The following LHX6 variants were observed in gnomAD, a reference collection of about 807,000 sequenced individuals.
LHX6 encodes LIM homeobox 6.
LHX6 carries 15 observed loss-of-function variants against 47.1 expected under a neutral mutation model. The observed-to-expected ratio is 0.32, with a 90% CI of 0.21 to 0.49. The LOEUF (loss-of-function observed/expected upper bound fraction) is 0.49. Among genes scored for constraint, LHX6 ranks in the 20% least tolerant of loss-of-function variants. LHX6 has a pLI of 0.99. For missense variants in LHX6, 404 were observed against 539.6 expected, an observed-to-expected ratio of 0.75 and a Z score of 2.49; for synonymous variants, 242 against 233.5, an observed-to-expected ratio of 1.04 and a Z score of -0.33.
chr9:122,208,212 G>A (rs1830258689), intron 9 of LHX6, among the ~76,000 whole-genome samples: 1 of 152,152 alleles, frequency 6.6e-6, no homozygotes, highest in African/African-American at 2.4e-5. Flanking sequence ...TGCCAACAAT[G>A]CTGAATGGCT....
rs1283089033 is a variant in LHX6, at chr9:122,203,062, G to A, written c.*1698C>T. 6.6e-6 allele frequency: 1 copy of A among 152,650 alleles called. No individual in the cohort carries two copies. Among genetic ancestry groups the A allele is most frequent in the African/African-American group, 2.4e-5 (1 of 41,454 alleles). 9.5% of individuals were successfully genotyped at this position (152,650 alleles called of 1,614,324 possible). A position where few individuals can be genotyped will look rare whatever the true frequency, so the allele number is the denominator to read the frequency against. On this transcript the variant is annotated 3_prime_UTR_variant, in exon 10 of 10. Coordinates refer to ENST00000394319, the MANE Select transcript of LHX6 (RefSeq NM_014368.5). The stretch of plus-strand genomic sequence containing the variant: ...GGCTGGGCACAAGTTACCACTGACT[G>A]AGTGCTGAGCTGAGCTGTACTCACC...
At chr9:122,221,772 G>A in intron 4 of LHX6, 1 of 975,512 alleles carries the variant, frequency 1.0e-6, no homozygotes, top group East Asian at 1.1e-4. Flanking sequence ...AACCAAACTG[G>A]GCAGGGACTC....
At chr9:122,221,361 G>A (rs1450605978) in intron 4 of LHX6, 2 of 985,506 alleles carry the variant, frequency 2.0e-6, no homozygotes, top group Non-Finnish European at 1.2e-6. Context: ...CCGCTGGGCC[G>A]CTCTCTGCCG....
chr9:122,211,865 T>A (rs1383467766), intron 8 of LHX6, among the ~76,000 whole-genome samples: 1 of 152,236 alleles, frequency 6.6e-6, no homozygotes, highest in Non-Finnish European at 1.5e-5. Flanking sequence ...AGACCCCTGG[T>A]ACTTATAGCG....
intron 4 of LHX6, chr9:122,221,322 C>G (rs1210969570): frequency 2.7e-5 from 27 of 985,514 alleles, no homozygotes; most frequent in Non-Finnish European, 3.1e-5. Context: ...TCTCGGCTCC[C>G]CCAACATCTG....
intron 5 of LHX6, among the ~76,000 whole-genome samples, chr9:122,215,975 G>A (rs531203039): frequency 6.6e-6 from 1 of 152,298 alleles, no homozygotes; most frequent in South Asian, 2.1e-4. Flanking sequence ...CTAAAACAGA[G>A]GCAGCTACAT....
At chr9:122,228,340 G>A in intron 1 of LHX6, 1 of 1,533,256 alleles carries the variant, frequency 6.5e-7, no homozygotes, top group East Asian at 2.5e-5. Flanking sequence ...CGCTGCGCCG[G>A]CACAACCCCC....
chr9:122,218,694 G>A (rs1262043860), intron 4 of LHX6, among the ~76,000 whole-genome samples: 2 of 151,976 alleles, frequency 1.3e-5, no homozygotes, highest in African/African-American at 4.8e-5. Flanking sequence ...AAAACCCTTG[G>A]GGTTTGCAAA....
rs1359273430 is a variant in LHX6, at chr9:122,227,761, A to AG, written c.85-282dup. The AG allele has an allele frequency of 1.4e-5, 7 of 489,370 alleles. No homozygotes were observed. In the Admixed American group the frequency reaches 2.5e-4, roughly 17 times the overall value. 30.3% of individuals were successfully genotyped at this position (489,370 alleles called of 1,614,324 possible). A position where few individuals can be genotyped will look rare whatever the true frequency, so the allele number is the denominator to read the frequency against. On this transcript the variant is annotated intron_variant, in intron 1 of 9. Coordinates refer to ENST00000394319, the MANE Select transcript of LHX6 (RefSeq NM_014368.5). The stretch of plus-strand genomic sequence containing the variant: ...AGTTCCCTTGCAATCCAAGCCTCTG[A>AG]GGGGGGAAGAAAAACACGCGCACAC...
Position 122,228,664 on chromosome 9 carries a change from G to A in LHX6, c.77C>T (p.Thr26Ile). The A allele has an allele frequency of 7.7e-7, 1 of 1,293,392 alleles. No homozygotes were observed. Among genetic ancestry groups the A allele is most frequent in the Non-Finnish European group, 9.8e-7 (1 of 1,022,164 alleles). The allele number at this position is 1,293,392 out of a possible 1,614,324, so 80.1% of individuals were successfully genotyped here. A position where few individuals can be genotyped will look rare whatever the true frequency, so the allele number is the denominator to read the frequency against. Residue 26 changes from threonine (T) to isoleucine (I), a missense_variant, in exon 1 of 10, where the codon ACC becomes ATC. Transcript: ENST00000394319. ...AGTCGTTCGCCGGCTCACCTGGTCG[G>A]TGGCGGGGCCGCCCTCGGCCGGCAG... ...CRLPAEGGPA[T>I]DQVMAQPGSG...
chr9:122,215,407 A>G (rs1231301773), intron 5 of LHX6, among the ~76,000 whole-genome samples: 1 of 152,210 alleles, frequency 6.6e-6, no homozygotes, highest in South Asian at 2.1e-4. Context: ...TAAAAAGTGA[A>G]ACAGTAGCCA....
At chr9:122,218,292 C>T (rs1448542970) in intron 4 of LHX6, among the ~76,000 whole-genome samples, 1 of 152,116 alleles carries the variant, frequency 6.6e-6, no homozygotes, top group Non-Finnish European at 1.5e-5. Flanking sequence ...CTGTCCCAAC[C>T]CTAGCAGCCT....
At chr9:122,221,726 A>C (rs780873419) in intron 4 of LHX6, 253 of 985,538 alleles carry the variant, frequency 2.6e-4, no homozygotes, top group Non-Finnish European at 2.8e-4. Flanking sequence ...AAGATCACCC[A>C]GGGAGCCACA....
At chr9:122,212,391 A>T (rs1220433286) in intron 8 of LHX6, among the ~76,000 whole-genome samples, 1 of 152,194 alleles carries the variant, frequency 6.6e-6, no homozygotes, top group Admixed American at 6.5e-5. Flanking sequence ...TGATGTTTAG[A>T]GACACAGTCA....
At chr9:122,221,169 CTA>C in intron 4 of LHX6, 1 of 985,446 alleles carries the variant, frequency 1.0e-6, no homozygotes, top group African/African-American at 1.7e-5. Flanking sequence ...GGGGCCCTAC[CTA>C]TTCTCTCTGC....
At chr9:122,215,167 A>G (rs765373825) in intron 5 of LHX6, among the ~76,000 whole-genome samples, 18 of 152,188 alleles carry the variant, frequency 1.2e-4, no homozygotes, top group Admixed American at 4.6e-4. Context: ...TAATTCCAGC[A>G]CTCAGAAATA....
At position 122,213,488 on chromosome 9, in the gene LHX6, T is replaced by G; in HGVS notation, c.1054+118A>C. ...TCCAAATGACTTCGGGTCCCGCTTC[T>G]TCACCCACGAGGCTCCCCAAGGCCC... On this transcript the variant is annotated intron_variant, in intron 8 of 9. Coordinates refer to ENST00000394319, the MANE Select transcript of LHX6 (RefSeq NM_014368.5). The surrounding 1 kb of genome is among the most constrained non-coding windows in gnomAD (Gnocchi z 5.5). The G allele has an allele frequency of 2.2e-5, 20 of 919,000 alleles. No individual in the cohort carries two copies. Among genetic ancestry groups the G allele is most frequent in the Non-Finnish European group, 3.2e-5 (20 of 631,046 alleles). 56.9% of individuals were successfully genotyped at this position (919,000 alleles called of 1,614,324 possible). A position where few individuals can be genotyped will look rare whatever the true frequency, so the allele number is the denominator to read the frequency against.
rs1460819372 is a variant in LHX6, at chr9:122,213,866, C to T, written c.880-86G>A. On this transcript the variant is annotated intron_variant, in intron 7 of 9. Coordinates refer to ENST00000394319, the MANE Select transcript of LHX6 (RefSeq NM_014368.5). The surrounding 1 kb of genome is among the most constrained non-coding windows in gnomAD (Gnocchi z 5.5). The stretch of plus-strand genomic sequence containing the variant: ...GACCCCAGGCGGGACTGCCTCGTCG[C>T]CTCCTGGAGAAGGATGGCCACGTGC... 1.3e-6 allele frequency: 2 copies of T among 1,523,838 alleles called. No homozygotes were observed. Among genetic ancestry groups the T allele is most frequent in the African/African-American group, 1.4e-5 (1 of 73,154 alleles). 94.4% of individuals were successfully genotyped at this position (1,523,838 alleles called of 1,614,324 possible). A position where few individuals can be genotyped will look rare whatever the true frequency, so the allele number is the denominator to read the frequency against.
At chr9:122,219,092 G>A (rs763015563) in intron 4 of LHX6, among the ~76,000 whole-genome samples, 1 of 152,214 alleles carries the variant, frequency 6.6e-6, no homozygotes, top group Non-Finnish European at 1.5e-5. Context: ...TGTGTGCACG[G>A]AGGAAACAGT....
Sources: gnomAD v4.1 joint callset for allele counts (sites outside exome capture counted in the v4.1 genomes callset) on GRCh38, gnomAD v4.1.1 for gene constraint, Gnocchi (gnomAD v3.1) non-coding constraint, MANE v1.5 for transcripts, NCBI Gene and HGNC (gene_info 2026-07-23, HGNC 2026-07-21) for gene names.